CNKSR2: variants seen among roughly 807,000 people sequenced by gnomAD.
The protein encoded by CNKSR2 is connector enhancer of kinase suppressor of Ras 2.
In CNKSR2, 14 loss-of-function variants were observed where a neutral mutation model predicts 84.4. That is an observed-to-expected ratio of 0.17 (90% confidence interval 0.11 to 0.26). CNKSR2 has a LOEUF of 0.26. Ranked by LOEUF, CNKSR2 falls within the 10% of genes least tolerant of loss-of-function variation. The pLI, the probability that CNKSR2 is intolerant of heterozygous loss-of-function variation, is 1.00. For synonymous variants in CNKSR2, 275 were observed against 277.9 expected (o/e 0.99, Z 0.10); for missense variants, 485 against 771.2 (o/e 0.63, Z 4.40).
At chrX:21,459,085 C>G (rs2091029058) in intron 4 of CNKSR2, among the ~76,000 whole-genome samples, 1 of 99,244 alleles carries the variant, frequency 1.0e-5, no homozygotes, top group Non-Finnish European at 2.0e-5. Flanking sequence ...TGCAGTGTCA[C>G]AATCTCAGCT....
intron 4 of CNKSR2, among the ~76,000 whole-genome samples, chrX:21,469,960 A>G (rs2091177629): frequency 8.9e-6 from 1 of 112,335 alleles, no homozygotes; most frequent in South Asian, 3.7e-4. Flanking sequence ...GTTAAAATGT[A>G]TTTATCACTT....
chrX:21,604,203 T>C (rs1051842671), intron 18 of CNKSR2, among the ~76,000 whole-genome samples: 3 of 110,932 alleles, frequency 2.7e-5, no homozygotes, highest in Non-Finnish European at 5.7e-5. Context: ...TGCAAAGTAG[T>C]ATTTCAGCCT....
At chrX:21,436,321 T>C (rs1296160487) in intron 3 of CNKSR2, among the ~76,000 whole-genome samples, 5 of 111,842 alleles carry the variant, frequency 4.5e-5, no homozygotes, top group Non-Finnish European at 9.4e-5. Flanking sequence ...TAGCTTTCCT[T>C]ATTAGTTTCT....
chrX:21,553,135 A>C (rs1030951794), intron 11 of CNKSR2, among the ~76,000 whole-genome samples: 1 of 111,315 alleles, frequency 9.0e-6, no homozygotes, highest in African/African-American at 3.3e-5. Context: ...AGAGTTGCAA[A>C]CTGGCTGTGA....
intron 3 of CNKSR2, among the ~76,000 whole-genome samples, chrX:21,433,955 A>G (rs774843266): frequency 9.0e-6 from 1 of 111,136 alleles, no homozygotes; most frequent in East Asian, 2.8e-4. Flanking sequence ...AATTTTCATA[A>G]TTGTCTAAGC....
intron 13 of CNKSR2, among the ~76,000 whole-genome samples, chrX:21,566,866 A>C (rs2092243777): frequency 9.0e-6 from 1 of 111,347 alleles, no homozygotes; most frequent in Admixed American, 9.8e-5. Flanking sequence ...TCAACTCATT[A>C]TCCTATAATG....
rs1469451482 is a variant in CNKSR2, at chrX:21,648,951, C to T, written c.2813C>T (p.Ser938Leu). 3.3e-6 allele frequency: 4 copies of T among 1,199,679 alleles called. No individual in the cohort carries two copies. The highest frequency in any genetic ancestry group is 4.5e-6 in the Non-Finnish European group (4 of 887,562). Residue 938 changes from serine to leucine, a missense_variant, in exon 21 of 22, where the codon TCA becomes TTA. Transcript: ENST00000379510. The stretch of plus-strand genomic sequence containing the variant: ...TCAACCAAGATGGAATACAAGCTAT[C>T]ATTTATAAAAAGATGTAATGATCCT... The part of the protein sequence containing the change: ...RISTKMEYKL[S>L]FIKRCNDPVM...
At chrX:21,590,375 C>T (rs1392392422) in intron 13 of CNKSR2, among the ~76,000 whole-genome samples, 197 bp from the exon 14 acceptor site, 1 of 111,398 alleles carries the variant, frequency 9.0e-6, no homozygotes. Context: ...ATATAATATC[C>T]TTTCCTGCTT....
At chrX:21,390,455 G>C (rs2090033415) in intron 1 of CNKSR2, among the ~76,000 whole-genome samples, 1 of 111,177 alleles carries the variant, frequency 9.0e-6, no homozygotes, top group African/African-American at 3.3e-5. Context: ...TGAAGGGGAA[G>C]CAGGCACGTC....
intron 13 of CNKSR2, among the ~76,000 whole-genome samples, chrX:21,583,975 T>A (rs1261939038): frequency 8.9e-6 from 1 of 112,188 alleles, no homozygotes; most frequent in Non-Finnish European, 1.9e-5. Flanking sequence ...CAAAAATACT[T>A]TCATAATAGC....
chrX:21,649,058 T>C (rs2092714400), intron 21 of CNKSR2, 31 bp downstream of exon 21: 1 of 1,036,346 alleles, frequency 9.6e-7, no homozygotes, highest in Non-Finnish European at 1.3e-6. Context: ...ACAAATTTCT[T>C]TGAAGAGATT....
At chrX:21,468,196 C>T (rs1012685110) in intron 4 of CNKSR2, among the ~76,000 whole-genome samples, 4 of 110,301 alleles carry the variant, frequency 3.6e-5, no homozygotes, top group Non-Finnish European at 7.6e-5. Context: ...CCTTTTGTCT[C>T]TAGTACAGTT....
intron 1 of CNKSR2, among the ~76,000 whole-genome samples, chrX:21,387,611 C>CA: frequency 8.9e-6 from 1 of 111,991 alleles, no homozygotes; most frequent in Non-Finnish European, 1.9e-5. Flanking sequence ...TCATAAATGT[C>CA]AAACACTTTT....
At chrX:21,604,482 A>T (rs1051792592) in intron 18 of CNKSR2, among the ~76,000 whole-genome samples, 6 of 110,867 alleles carry the variant, frequency 5.4e-5, no homozygotes, top group Non-Finnish European at 9.4e-5. Flanking sequence ...TATATATATA[A>T]AAAACAAGAA....
chrX:21,544,751 G>A (rs2092007055), intron 11 of CNKSR2, among the ~76,000 whole-genome samples: 1 of 111,242 alleles, frequency 9.0e-6, no homozygotes, highest in Admixed American at 9.5e-5. Flanking sequence ...AGCAGAAGCA[G>A]GGTGGGGCGT....
intron 11 of CNKSR2, among the ~76,000 whole-genome samples, chrX:21,556,573 T>G (rs1215828159): frequency 9.0e-6 from 1 of 110,613 alleles, no homozygotes; most frequent in Non-Finnish European, 1.9e-5. Context: ...GGAAAGTGTT[T>G]CAAGGAAGGA....
intron 1 of CNKSR2, among the ~76,000 whole-genome samples, chrX:21,404,327 T>G (rs2090233401): frequency 9.0e-6 from 1 of 111,538 alleles, no homozygotes; most frequent in African/African-American, 3.3e-5. Context: ...TATTTAAAAT[T>G]TAATGTTCTG....
chrX:21,389,376 G>A, intron 1 of CNKSR2, among the ~76,000 whole-genome samples: 1 of 109,922 alleles, frequency 9.1e-6, no homozygotes, highest in African/African-American at 3.3e-5. Flanking sequence ...ATTAATAATA[G>A]GAGAATATGG....
intron 1 of CNKSR2, among the ~76,000 whole-genome samples, chrX:21,410,306 G>A (rs1341619500): frequency 9.0e-6 from 1 of 110,975 alleles, no homozygotes; most frequent in East Asian, 2.8e-4. Context: ...ATTGTTTTGA[G>A]TAGTAATTAG....
Sources: gnomAD v4.1 joint callset for allele counts (sites outside exome capture counted in the v4.1 genomes callset) on GRCh38, gnomAD v4.1.1 for gene constraint, MANE v1.5 for transcripts, NCBI Gene and HGNC (gene_info 2026-07-23, HGNC 2026-07-21) for gene names.